AUTS2: variants seen among roughly 807,000 people sequenced by gnomAD.
The protein encoded by AUTS2 is activator of transcription and developmental regulator AUTS2, also known as autism susceptibility gene 2 protein.
AUTS2 carries 17 observed loss-of-function variants against 112.4 expected under a neutral mutation model. That is an observed-to-expected ratio of 0.15 (90% confidence interval 0.10 to 0.23). The LOEUF (loss-of-function observed/expected upper bound fraction) is 0.23, where lower values mean the gene tolerates loss of function less well. Among genes scored for constraint, AUTS2 ranks in the 10% least tolerant of loss-of-function variants. AUTS2 has a pLI of 1.00. For missense variants in AUTS2, 1,510 were observed against 1,701.6 expected (o/e 0.89, Z 1.98); for synonymous variants, 751 against 702.7 (o/e 1.07, Z -1.09).
rs17141599 is a variant in AUTS2, at chr7:70,429,419, A to G, written c.661-6333A>G. Among the ~76,000 whole-genome samples, 177 of 152,370 alleles carry G rather than the reference A, an allele frequency of 1.2e-3. 1 individual carries two copies. The highest frequency in any genetic ancestry group is 8.6e-3 in the Admixed American group (131 of 15,310). ...TTCTGGAAAAGTATTGGAAGATTCA[A>G]AAAAGGAACTGTGTTTTGAAGGTGA... On this transcript the variant is annotated intron_variant, in intron 4 of 18. Transcript: ENST00000342771.
At chr7:69,829,971 G>A (rs1791425158) in intron 1 of AUTS2, among the ~76,000 whole-genome samples, 1 of 152,168 alleles carries the variant, frequency 6.6e-6, no homozygotes. Flanking sequence ...CGATAGCAAA[G>A]ACAGGGAACT....
intron 1 of AUTS2, among the ~76,000 whole-genome samples, chr7:69,791,843 A>C (rs1244912533): frequency 6.6e-6 from 1 of 152,172 alleles, no homozygotes; most frequent in Non-Finnish European, 1.5e-5. Flanking sequence ...GTATAGATAA[A>C]GACTTAACTG....
chr7:69,916,929 G>A (rs377624760), intron 2 of AUTS2, among the ~76,000 whole-genome samples: 12 of 152,138 alleles, frequency 7.9e-5, no homozygotes, highest in East Asian at 3.8e-4. Flanking sequence ...AAATTGAATC[G>A]TGTCATTTGT....
intron 5 of AUTS2, among the ~76,000 whole-genome samples, chr7:70,511,561 CTTTTTTT>C (rs3974587): frequency 1.4e-4 from 10 of 70,102 alleles, no homozygotes; most frequent in East Asian, 8.3e-4. Flanking sequence ...TTTTCATTTT[CTTTTTTT>C]TTTTTTTTTT....
At chr7:69,954,752 T>G (rs886949884) in intron 2 of AUTS2, among the ~76,000 whole-genome samples, 2 of 152,222 alleles carry the variant, frequency 1.3e-5, no homozygotes, top group Non-Finnish European at 2.9e-5. Context: ...CCAACCAGGT[T>G]TAGAACCTTT....
chr7:70,392,440 G>T (rs981312012), intron 4 of AUTS2, among the ~76,000 whole-genome samples: 1 of 152,156 alleles, frequency 6.6e-6, no homozygotes, highest in East Asian at 1.9e-4. Flanking sequence ...ATAGAAGGTC[G>T]TTACCAGGAA....
At chr7:70,751,500 A>T (rs2064119066) in intron 6 of AUTS2, among the ~76,000 whole-genome samples, 1 of 152,174 alleles carries the variant, frequency 6.6e-6, no homozygotes, top group Non-Finnish European at 1.5e-5. Context: ...AAATTTCCAA[A>T]ATAAGCTAAC....
chr7:70,124,669 T>G (rs1326614431), intron 3 of AUTS2, among the ~76,000 whole-genome samples: 1 of 152,270 alleles, frequency 6.6e-6, no homozygotes, highest in Non-Finnish European at 1.5e-5. Flanking sequence ...TTCAAGTGAT[T>G]CTTCTGCCTC....
chr7:69,955,881 C>G (rs1436286511), intron 2 of AUTS2, among the ~76,000 whole-genome samples: 1 of 152,144 alleles, frequency 6.6e-6, no homozygotes, highest in African/African-American at 2.4e-5. Context: ...TTATTGCTCT[C>G]AGAGGTGTTT....
intron 4 of AUTS2, among the ~76,000 whole-genome samples, chr7:70,267,466 CTTG>C (rs1325239449): frequency 1.3e-5 from 2 of 152,128 alleles, no homozygotes; most frequent in Non-Finnish European, 2.9e-5. Flanking sequence ...AATGCTGACT[CTTG>C]TTGTAGATTC....
intron 5 of AUTS2, among the ~76,000 whole-genome samples, chr7:70,507,987 AG>A (rs1253034631): frequency 1.3e-5 from 2 of 152,182 alleles, no homozygotes; most frequent in African/African-American, 4.8e-5. Flanking sequence ...GTTTGTTCAT[AG>A]CCCAATGGTG....
chr7:69,727,178 TGTG>T (rs1334576386), intron 1 of AUTS2, among the ~76,000 whole-genome samples: 1 of 152,150 alleles, frequency 6.6e-6, no homozygotes, highest in East Asian at 1.9e-4. Context: ...AATTTTTGAG[TGTG>T]ATATGAGGTA....
intron 2 of AUTS2, among the ~76,000 whole-genome samples, chr7:69,985,525 C>A (rs974444787): frequency 6.6e-6 from 1 of 152,172 alleles, no homozygotes; most frequent in Non-Finnish European, 1.5e-5. Context: ...CTTCTTATTA[C>A]GCTAAGAATA....
intron 1 of AUTS2, among the ~76,000 whole-genome samples, chr7:69,844,780 C>G (rs1792123356): frequency 6.6e-6 from 1 of 152,154 alleles, no homozygotes; most frequent in Admixed American, 6.6e-5. Context: ...GATCTTAGCC[C>G]TGGCATTTAG....
chr7:70,775,386 G>A lies in AUTS2; in HGVS notation c.1932G>A (p.Arg644=). The A allele has an allele frequency of 6.2e-7, 1 of 1,611,852 alleles. No individual in the cohort carries two copies. The highest frequency in any genetic ancestry group is 8.5e-7 in the Non-Finnish European group (1 of 1,179,140). ...CAGATCCTTTCAGACCTATGTTAAG[G>A]GTAAGAAAGCTTCTTATAGAACTGT... is the stretch of plus-strand genomic sequence containing the variant. ...RLTDPFRPML[R]KPGKWCAMHV... The change falls in exon 13 of 19, where the codon AGG becomes AGA. Residue 644 remains arginine (R), a splice_region_variant and synonymous_variant. Transcript: ENST00000342771.
At chr7:70,421,399 T>C (rs1795215148) in intron 4 of AUTS2, among the ~76,000 whole-genome samples, 1 of 150,314 alleles carries the variant, frequency 6.7e-6, no homozygotes, top group South Asian at 2.1e-4. Context: ...CACAAAGAGA[T>C]GTTTGTTTTC....
At chr7:70,351,052 CTTTT>C (rs34943340) in intron 4 of AUTS2, among the ~76,000 whole-genome samples, 1 of 134,956 alleles carries the variant, frequency 7.4e-6, no homozygotes, top group Non-Finnish European at 1.6e-5. Flanking sequence ...TTGTCTTCTT[CTTTT>C]TTTTTTTTTT....
chr7:70,526,619 G>A (rs745407386), intron 5 of AUTS2, among the ~76,000 whole-genome samples: 22 of 152,160 alleles, frequency 1.4e-4, no homozygotes, highest in East Asian at 1.9e-4. Context: ...GCAGGGAGCC[G>A]AGATCGTGCC....
chr7:70,525,867 G>A (rs1799819146), intron 5 of AUTS2, among the ~76,000 whole-genome samples: 1 of 152,222 alleles, frequency 6.6e-6, no homozygotes, highest in African/African-American at 2.4e-5. Flanking sequence ...CACAAAGGAA[G>A]GACAGAGGCA....
Sources: allele counts gnomAD v4.1 joint callset (sites outside exome capture counted in the v4.1 genomes callset), GRCh38; gene constraint gnomAD v4.1.1; transcripts MANE v1.5; gene names NCBI Gene and HGNC (gene_info 2026-07-23, HGNC 2026-07-21).